Variants in GLCE observed in about 807,000 individuals in gnomAD.
GLCE encodes D-glucuronyl C5-epimerase.
A neutral mutation model predicts 47.9 loss-of-function variants in GLCE; 19 were observed. That is an observed-to-expected ratio of 0.40 (90% CI 0.28 to 0.58). The LOEUF is 0.58. Ranked by LOEUF, GLCE falls within the 20% of genes least tolerant of loss-of-function variation. The probability of loss-of-function intolerance (pLI) is 0.48; values close to 1 mark genes in which losing one functional copy is unlikely to be tolerated. For missense variants in GLCE, 556 were observed against 743.3 expected, an observed-to-expected ratio of 0.75 and a Z score of 2.93; for synonymous variants, 245 against 263.4, an observed-to-expected ratio of 0.93 and a Z score of 0.68.
At chr15:69,227,697 G>T (rs1010401298) in intron 2 of GLCE, among the ~76,000 whole-genome samples, 1 of 152,162 alleles carries the variant, frequency 6.6e-6, no homozygotes, top group African/African-American at 2.4e-5. Context: ...TTTCAATTTT[G>T]TTCTCACCCT....
chr15:69,233,857 T>G (rs998966356), intron 2 of GLCE, among the ~76,000 whole-genome samples: 1 of 152,192 alleles, frequency 6.6e-6, no homozygotes, highest in African/African-American at 2.4e-5. Context: ...AGGAAGCAAT[T>G]TTTAAAACAT....
intron 3 of GLCE, among the ~76,000 whole-genome samples, chr15:69,257,364 A>T (rs1393695098): frequency 1.3e-5 from 2 of 152,034 alleles, no homozygotes; most frequent in Non-Finnish European, 1.5e-5. Flanking sequence ...TTGAGACAGA[A>T]TCTCACTCTG....
intron 1 of GLCE, among the ~76,000 whole-genome samples, chr15:69,172,956 AT>A (rs922222771): frequency 6.6e-6 from 1 of 151,358 alleles, no homozygotes; most frequent in Non-Finnish European, 1.5e-5. Flanking sequence ...CCTATAGTTG[AT>A]TTTTTTTTCA....
At chr15:69,164,838 C>A (rs1175655696) in intron 1 of GLCE, among the ~76,000 whole-genome samples, 1 of 151,904 alleles carries the variant, frequency 6.6e-6, no homozygotes, top group African/African-American at 2.4e-5. Context: ...ATTTTTAGTT[C>A]CAATCCCTGG....
At chr15:69,193,705 T>G (rs561848155) in intron 1 of GLCE, among the ~76,000 whole-genome samples, 1 of 152,038 alleles carries the variant, frequency 6.6e-6, no homozygotes, top group African/African-American at 2.4e-5. Context: ...GACTCTCAGA[T>G]GTCAATCCTG....
At position 69,180,747 on chromosome 15, in the gene GLCE, C is replaced by T. The variant is rs143838822; in HGVS notation, c.-105+19990C>T. Among the ~76,000 whole-genome samples, 28 of 152,260 alleles carry T rather than the reference C, an allele frequency of 1.8e-4. No individual in the cohort carries two copies. The East Asian group carries it at 5.2e-3, about 28-fold the overall frequency. On this transcript the variant is annotated intron_variant, in intron 1 of 4. Transcript: ENST00000261858. ...CACTGGTGATGGGCTGGTTGTGCTG[C>T]CAGGTCAAGCAAGGTCTTATAGACC...
intron 4 of GLCE, among the ~76,000 whole-genome samples, chr15:69,262,232 T>A (rs185762251): frequency 6.6e-6 from 1 of 152,348 alleles, no homozygotes; most frequent in Non-Finnish European, 1.5e-5. Flanking sequence ...TTATGAGTAC[T>A]GAATGCAGTG....
intron 1 of GLCE, among the ~76,000 whole-genome samples, chr15:69,180,186 AT>A (rs1189656960): frequency 2.0e-5 from 3 of 152,132 alleles, no homozygotes; most frequent in Non-Finnish European, 4.4e-5. Context: ...TGAGAGAAAG[AT>A]TTTTTTAGTG....
At chr15:69,171,445 G>A (rs900307297) in intron 1 of GLCE, among the ~76,000 whole-genome samples, 4 of 150,824 alleles carry the variant, frequency 2.7e-5, no homozygotes, top group Admixed American at 2.0e-4. Flanking sequence ...CGCCCGGGCT[G>A]GAGTGCAATG....
At chr15:69,210,932 C>G (rs1033934861) in intron 2 of GLCE, among the ~76,000 whole-genome samples, 2 of 152,238 alleles carry the variant, frequency 1.3e-5, no homozygotes, top group Non-Finnish European at 2.9e-5. Flanking sequence ...GGAAAGTTTG[C>G]TGACCCTTGG....
At chr15:69,189,376 C>G (rs117929941) in intron 1 of GLCE, among the ~76,000 whole-genome samples, 1 of 152,186 alleles carries the variant, frequency 6.6e-6, no homozygotes, top group Non-Finnish European at 1.5e-5. Flanking sequence ...CATGATTGCT[C>G]ATTTCTCTTT....
chr15:69,222,469 A>G (rs1407940434), intron 2 of GLCE, among the ~76,000 whole-genome samples: 1 of 152,170 alleles, frequency 6.6e-6, no homozygotes, highest in East Asian at 1.9e-4. Context: ...CCCTGGTCCC[A>G]CAGGAAAGAA....
chr15:69,176,778 A>G (rs1396297269), intron 1 of GLCE, among the ~76,000 whole-genome samples: 2 of 152,166 alleles, frequency 1.3e-5, no homozygotes, highest in Non-Finnish European at 2.9e-5. Flanking sequence ...TAAATGAATG[A>G]ATGACTTAGG....
At chr15:69,182,655 T>A (rs2051767297) in intron 1 of GLCE, among the ~76,000 whole-genome samples, 1 of 152,104 alleles carries the variant, frequency 6.6e-6, no homozygotes, top group Non-Finnish European at 1.5e-5. Flanking sequence ...TCTGTTGGGT[T>A]GGCAGATTTT....
intron 1 of GLCE, among the ~76,000 whole-genome samples, chr15:69,192,504 T>C (rs2051928498): frequency 6.6e-6 from 1 of 152,176 alleles, no homozygotes; most frequent in African/African-American, 2.4e-5. Context: ...TCTCTTAATT[T>C]GATCATCTCT....
chr15:69,227,933 G>A (rs2052472122), intron 2 of GLCE, among the ~76,000 whole-genome samples: 1 of 152,188 alleles, frequency 6.6e-6, no homozygotes, highest in Admixed American at 6.5e-5. Flanking sequence ...TAAGTTGCAT[G>A]TTTTCTAGGA....
chr15:69,209,063 A>G (rs375329052), intron 1 of GLCE, among the ~76,000 whole-genome samples: 27 of 151,932 alleles, frequency 1.8e-4, no homozygotes, highest in African/African-American at 6.3e-4. Flanking sequence ...TATTGAGCTC[A>G]TTTAGTGAGC....
intron 1 of GLCE, among the ~76,000 whole-genome samples, chr15:69,189,157 C>G (rs747553453): frequency 6.6e-6 from 1 of 152,136 alleles, no homozygotes; most frequent in South Asian, 2.1e-4. Flanking sequence ...AATAGTTCCA[C>G]TCTCCTAAAA....
intron 2 of GLCE, among the ~76,000 whole-genome samples, chr15:69,214,535 A>G (rs1424999254): frequency 6.6e-6 from 1 of 152,202 alleles, no homozygotes; most frequent in East Asian, 1.9e-4. Flanking sequence ...CTGTGAGTCA[A>G]TTAAACCTCT....
Sources: allele counts gnomAD v4.1 joint callset (sites outside exome capture counted in the v4.1 genomes callset), GRCh38; gene constraint gnomAD v4.1.1; transcripts MANE v1.5; gene names NCBI Gene and HGNC (gene_info 2026-07-23, HGNC 2026-07-21).